The following TBC1D31 variants were observed in gnomAD, a reference collection of about 807,000 sequenced individuals.
TBC1D31 encodes TBC1 domain family member 31.
A neutral mutation model predicts 132.9 loss-of-function variants in TBC1D31; 99 were observed. That is an observed-to-expected ratio of 0.74 (90% CI 0.63 to 0.88). The LOEUF is 0.88. Ranked by LOEUF, TBC1D31 falls within the 40% of genes least tolerant of loss-of-function variation. The pLI, the probability that TBC1D31 is intolerant of heterozygous loss-of-function variation, is 0.00. For synonymous variants in TBC1D31, 385 were observed against 419.4 expected (o/e 0.92, Z 1.00); for missense variants, 1,134 against 1,256.6 (o/e 0.90, Z 1.48).
At position 123,151,478 on chromosome 8, in the gene TBC1D31, A is replaced by G. The variant is rs780713993; in HGVS notation, c.3068-328A>G. 2.6e-5 allele frequency among the ~76,000 whole-genome samples: 4 copies of G among 152,210 alleles called. No homozygotes were observed. In the South Asian group the frequency reaches 8.3e-4, roughly 31 times the overall value. On this transcript the variant is annotated intron_variant, in intron 21 of 21. Coordinates refer to ENST00000287380, the MANE Select transcript of TBC1D31 (RefSeq NM_145647.4). ...TTTATGACTTGGAATGCCTTTTCTC[A>G]TTACTATTAAGCATCATTGTGAGGA...
chr8:123,159,045 C>CCTGCGGA, the TBC1D31 span, among the ~76,000 whole-genome samples: 1 of 152,136 alleles, frequency 6.6e-6, no homozygotes, highest in Non-Finnish European at 1.5e-5. Flanking sequence ...TGGGGCATCC[C>CCTGCGGA]CTGCGGACTG....
Position 123,144,623 on chromosome 8 carries a change from A to G in TBC1D31, c.2836-94A>G, listed in dbSNP as rs184844315. The G allele has an allele frequency of 5.5e-5, 67 of 1,213,012 alleles. 1 individual carries two copies. The Admixed American group carries it at 1.5e-3, about 26-fold the overall frequency. 75.1% of individuals were successfully genotyped at this position (1,213,012 alleles called of 1,614,324 possible). A position where few individuals can be genotyped will look rare whatever the true frequency, so the allele number is the denominator to read the frequency against. On this transcript the variant is annotated intron_variant, in intron 19 of 21. Transcript: ENST00000287380. ...TACTTGCCATGGGAATATAAAGGAA[A>G]GTGGATAGAGAAGACAGAAGTGGCT...
chr8:123,097,266 T>A lies in TBC1D31; in HGVS notation c.672-16T>A, dbSNP rs528764830. On this transcript the variant is annotated splice_polypyrimidine_tract_variant and intron_variant, in intron 5 of 21. Transcript: ENST00000287380. ...AATTGAACCCGTTTTTCTTTCTCAC[T>A]TTTTTGTTTATATAGAGATGGCCGA... 2.4e-5 allele frequency: 39 copies of A among 1,611,178 alleles called. 1 individual carries two copies. In the South Asian group the frequency reaches 3.3e-4, roughly 14 times the overall value.
downstream of TBC1D31, among the ~76,000 whole-genome samples, chr8:123,156,989 AAGGGCAAGGG>A (rs1823008624): frequency 6.7e-6 from 1 of 149,936 alleles, no homozygotes; most frequent in African/African-American, 2.5e-5. Context: ...GGGCAAGGGC[AAGGGCAAGGG>A]CGAGGGCAGG....
At chr8:123,075,683 A>T (rs1370662615) in intron 1 of TBC1D31, among the ~76,000 whole-genome samples, 1 of 152,096 alleles carries the variant, frequency 6.6e-6, no homozygotes, top group Non-Finnish European at 1.5e-5. Flanking sequence ...AGCCTGGGTG[A>T]CAGAGCGAGA....
At chr8:123,101,370 T>C (rs1817399058) in intron 7 of TBC1D31, among the ~76,000 whole-genome samples, 1 of 152,206 alleles carries the variant, frequency 6.6e-6, no homozygotes, top group Non-Finnish European at 1.5e-5. Context: ...CTAAATCCAG[T>C]CAATACTAAG....
intron 21 of TBC1D31, among the ~76,000 whole-genome samples, chr8:123,151,405 A>AT (rs1388144223): frequency 2.0e-5 from 3 of 152,102 alleles, no homozygotes; most frequent in African/African-American, 4.8e-5. Context: ...TGATTTACTT[A>AT]TTTTTATTTA....
intron 17 of TBC1D31, among the ~76,000 whole-genome samples, chr8:123,139,222 A>T (rs893363693): frequency 6.6e-6 from 1 of 151,654 alleles, no homozygotes; most frequent in Non-Finnish European, 1.5e-5. Flanking sequence ...GATAACTTAT[A>T]GAAATATTGT....
chr8:123,079,006 A>G (rs368758799), intron 2 of TBC1D31, among the ~76,000 whole-genome samples: 1 of 152,248 alleles, frequency 6.6e-6, no homozygotes. Flanking sequence ...AGAACACGGC[A>G]TCATTTCTGT....
chr8:123,114,682 T>C (rs948909052), intron 10 of TBC1D31, among the ~76,000 whole-genome samples: 2 of 152,210 alleles, frequency 1.3e-5, no homozygotes, highest in African/African-American at 4.8e-5. Context: ...AAAAAGAATA[T>C]TCCTTCTTTG....
intron 13 of TBC1D31, chr8:123,128,073 G>A (rs370708137): frequency 2.8e-6 from 1 of 363,348 alleles, no homozygotes; most frequent in South Asian, 1.0e-4. Flanking sequence ...TTAATTTTAT[G>A]TCAGAATTTC....
At chr8:123,075,286 A>G (rs543877687) in intron 1 of TBC1D31, among the ~76,000 whole-genome samples, 3 of 152,316 alleles carry the variant, frequency 2.0e-5, no homozygotes, top group Admixed American at 6.5e-5. Flanking sequence ...GAATTTTGCT[A>G]TTTCCTTTAG....
chr8:123,152,378 C>T (rs1822858437), downstream of TBC1D31, among the ~76,000 whole-genome samples: 1 of 152,108 alleles, frequency 6.6e-6, no homozygotes, highest in Admixed American at 6.5e-5. Context: ...CAGCGGGACC[C>T]CCTCTTTGTC....
chr8:123,098,514 C>T (rs1331227875), intron 6 of TBC1D31, among the ~76,000 whole-genome samples: 1 of 152,210 alleles, frequency 6.6e-6, no homozygotes, highest in African/African-American at 2.4e-5. Context: ...ACTGGCCAGG[C>T]TGACCTCAAG....
intron 10 of TBC1D31, among the ~76,000 whole-genome samples, chr8:123,118,666 T>TA (rs762730615): frequency 1.6e-3 from 237 of 145,270 alleles, no homozygotes; most frequent in Middle Eastern, 7.1e-3. Flanking sequence ...GACCAGCCAG[T>TA]AAAAAAAAAA....
chr8:123,074,740 A>G (rs988762682), intron 1 of TBC1D31, among the ~76,000 whole-genome samples: 15 of 152,226 alleles, frequency 9.9e-5, no homozygotes, highest in African/African-American at 3.4e-4. Flanking sequence ...GAGAGCACTG[A>G]CTTGGAGTCA....
chr8:123,140,122 G>A (rs1384332479), intron 17 of TBC1D31, among the ~76,000 whole-genome samples: 1 of 152,190 alleles, frequency 6.6e-6, no homozygotes. Context: ...CATTTTGGGA[G>A]GCCGAGGCAG....
rs1038935571 is a variant in TBC1D31 at position 123,122,237 on chromosome 8, G to A, written c.1570+2049G>A. On this transcript the variant is annotated intron_variant, in intron 11 of 21. Coordinates refer to ENST00000287380, the MANE Select transcript of TBC1D31 (RefSeq NM_145647.4). ...AACTGAGACTTAGACAGATACCCAC[G>A]TGTGAATGTTCATAGCATCATTATT... Among the ~76,000 whole-genome samples, 10 of 152,146 alleles carry A rather than the reference G, an allele frequency of 6.6e-5. No individual in the cohort carries two copies. In the East Asian group the frequency reaches 1.5e-3, roughly 23 times the overall value.
intron 17 of TBC1D31, among the ~76,000 whole-genome samples, chr8:123,135,439 G>A (rs909819330): frequency 2.6e-5 from 4 of 152,102 alleles, no homozygotes; most frequent in Admixed American, 2.6e-4. Flanking sequence ...ATCTCTACTA[G>A]AAATACAAAG....
Sources: allele counts gnomAD v4.1 joint callset (sites outside exome capture counted in the v4.1 genomes callset), GRCh38; gene constraint gnomAD v4.1.1; transcripts MANE v1.5; gene names NCBI Gene and HGNC (gene_info 2026-07-23, HGNC 2026-07-21).